The following AGBL4 variants were observed in gnomAD, a reference collection of about 807,000 sequenced individuals.
AGBL4 encodes the protein cytosolic carboxypeptidase 6.
AGBL4 carries 58 observed loss-of-function variants against 66.4 expected under a neutral mutation model. The observed-to-expected ratio is 0.87, with a 90% confidence interval of 0.71 to 1.09. The LOEUF is 1.09. AGBL4 is among the 50% of genes least tolerant of loss of function. The pLI is 0.00. For missense variants in AGBL4, 579 were observed against 631.0 expected, an observed-to-expected ratio of 0.92 and a Z score of 0.88; for synonymous variants, 234 against 222.9, an observed-to-expected ratio of 1.05 and a Z score of -0.44.
At chr1:49,602,506 G>T (rs531307797) in intron 3 of AGBL4, among the ~76,000 whole-genome samples, 69 of 152,244 alleles carry the variant, frequency 4.5e-4, no homozygotes, top group Admixed American at 2.9e-3. Context: ...GGAATACTAT[G>T]CAGCCATAAA....
At chr1:49,380,868 G>A (rs1570574335) in intron 3 of AGBL4, among the ~76,000 whole-genome samples, 2 of 152,278 alleles carry the variant, frequency 1.3e-5, no homozygotes, top group South Asian at 4.1e-4. Flanking sequence ...AGACTTAAAT[G>A]TTAGACCTAA....
intron 2 of AGBL4, among the ~76,000 whole-genome samples, chr1:49,718,723 A>G (rs1467814441): frequency 6.6e-6 from 1 of 152,078 alleles, no homozygotes; most frequent in Non-Finnish European, 1.5e-5. Flanking sequence ...TTTTCAGAAT[A>G]ATGAGGGTAT....
rs564825227 is a variant in AGBL4 at position 49,833,355 on chromosome 1, C to G, written c.157+18041G>C. Among the ~76,000 whole-genome samples the G allele has an allele frequency of 2.0e-4, 31 of 151,788 alleles. 1 individual carries two copies. The South Asian group carries it at 6.5e-3, about 32-fold the overall frequency. On this transcript the variant is annotated intron_variant, in intron 2 of 13. Transcript: ENST00000371839. ...TCTGTTCTGTTCCATTGATCTATAT[C>G]TCTGTTTTGGTACCAGTACCATGCT...
intron 3 of AGBL4, among the ~76,000 whole-genome samples, chr1:49,643,310 C>A (rs1645821213): frequency 6.6e-6 from 1 of 150,962 alleles, no homozygotes; most frequent in African/African-American, 2.4e-5. Flanking sequence ...GAAAAAAAGA[C>A]AATAAAAAAG....
intron 3 of AGBL4, among the ~76,000 whole-genome samples, chr1:49,373,465 A>G (rs1231597821): frequency 1.3e-5 from 2 of 152,172 alleles, no homozygotes; most frequent in Non-Finnish European, 2.9e-5. Flanking sequence ...CACTAATAAA[A>G]TGCTAGAAAA....
chr1:48,585,564 G>GA (rs1432076312), intron 11 of AGBL4: 2 of 152,332 alleles, frequency 1.3e-5, no homozygotes. Flanking sequence ...CTCTTCCTCA[G>GA]AGCAGAGCCT....
intron 2 of AGBL4, among the ~76,000 whole-genome samples, chr1:49,742,005 C>G (rs1186591869): frequency 1.3e-5 from 2 of 152,184 alleles, no homozygotes; most frequent in South Asian, 2.1e-4. Context: ...CAGGGATGCC[C>G]TCTCTCGCCA....
chr1:49,916,725 T>C (rs2148225823), intron 1 of AGBL4, among the ~76,000 whole-genome samples: 1 of 152,168 alleles, frequency 6.6e-6, no homozygotes, highest in Admixed American at 6.5e-5. Context: ...ATTCAGGAAA[T>C]ACAGAGAACG....
At chr1:49,063,927 A>C (rs934310423) in intron 4 of AGBL4, among the ~76,000 whole-genome samples, 6 of 152,332 alleles carry the variant, frequency 3.9e-5, no homozygotes, top group Admixed American at 3.3e-4. Context: ...AAAGGTTCAG[A>C]GCAGTAGTGA....
At chr1:49,677,330 T>C (rs140545827) in intron 3 of AGBL4, among the ~76,000 whole-genome samples, 1 of 152,148 alleles carries the variant, frequency 6.6e-6, no homozygotes, top group Non-Finnish European at 1.5e-5. Flanking sequence ...TTGCCAATAC[T>C]TTTTCTGCAT....
chr1:49,527,209 G>C (rs1049627459), intron 3 of AGBL4: 4 of 151,962 alleles, frequency 2.6e-5, no homozygotes, highest in African/African-American at 9.7e-5. Flanking sequence ...TGCTCAATGA[G>C]AACATTGTAC....
chr1:49,389,976 T>A (rs1644813102), intron 3 of AGBL4, among the ~76,000 whole-genome samples: 1 of 152,214 alleles, frequency 6.6e-6, no homozygotes, highest in African/African-American at 2.4e-5. Context: ...ATTCTCTGAA[T>A]AACCAGCAAA....
At chr1:49,132,094 G>A (rs571734946) in intron 4 of AGBL4, among the ~76,000 whole-genome samples, 9 of 152,194 alleles carry the variant, frequency 5.9e-5, no homozygotes, top group Middle Eastern at 3.4e-3. Context: ...GAAAATTAGC[G>A]AAGGGAGAGG....
At chr1:49,500,484 T>C (rs554036899) in intron 3 of AGBL4, among the ~76,000 whole-genome samples, 84 of 152,070 alleles carry the variant, frequency 5.5e-4, no homozygotes, top group Non-Finnish European at 9.1e-4. Context: ...TTTTCTGATG[T>C]TATCTTCTAG....
rs371935934 is a variant in AGBL4, at chr1:49,096,529, G to A, written c.378-50729C>T. ...CAGCCATAAAAAATGATGAGTTCAT[G>A]TCCTTTGTAGGGACATGGATGAAGC... On this transcript the variant is annotated intron_variant, in intron 4 of 13. Transcript: ENST00000371839. Among the ~76,000 whole-genome samples, 99 of 151,568 alleles carry A rather than the reference G, an allele frequency of 6.5e-4. 2 individuals carry two copies. In the South Asian group the frequency reaches 0.018, roughly 28 times the overall value.
At chr1:48,559,518 T>C (rs1644366196) in intron 11 of AGBL4, among the ~76,000 whole-genome samples, 1 of 152,354 alleles carries the variant, frequency 6.6e-6, no homozygotes, top group African/African-American at 2.4e-5. Context: ...AACTTAGCTT[T>C]GTCATTTCTA....
chr1:48,590,960 T>C lies in AGBL4; in HGVS notation c.977A>G (p.Asp326Gly). The change falls in exon 10 of 14, where the codon GAC (aspartate) becomes GGC (glycine). Residue 326 changes from aspartate to glycine, a missense_variant. Transcript: ENST00000371839. ...DPKTSLEFYI[D>G]IHAHSTMMNG... Reference sequence around the variant, plus strand: ...CATCATGGTGGAGTGGGCATGGATGTCAATATAAAACTCCAGGCTTGTTTT... The same window carrying C: ...CATCATGGTGGAGTGGGCATGGATGCCAATATAAAACTCCAGGCTTGTTTT... 1 of 1,610,350 alleles carries C rather than the reference T, an allele frequency of 6.2e-7. No homozygotes were observed.
At chr1:48,665,615 C>T (rs1370827357) in intron 6 of AGBL4, among the ~76,000 whole-genome samples, 1 of 152,144 alleles carries the variant, frequency 6.6e-6, no homozygotes, top group Non-Finnish European at 1.5e-5. Context: ...CCAGCCAGTG[C>T]CCCTTTCACT....
intron 4 of AGBL4, chr1:49,048,331 G>A (rs1557595892): frequency 6.6e-6 from 1 of 152,116 alleles, no homozygotes; most frequent in South Asian, 2.1e-4. Context: ...TTGACTCTGA[G>A]AGCCTGCTGT....
Sources: allele counts gnomAD v4.1 joint callset (sites outside exome capture counted in the v4.1 genomes callset), GRCh38; gene constraint gnomAD v4.1.1; transcripts MANE v1.5; gene names NCBI Gene and HGNC (gene_info 2026-07-23, HGNC 2026-07-21).